GTF2A1L: variants seen among roughly 807,000 people sequenced by gnomAD.
The protein encoded by GTF2A1L is general transcription factor IIA subunit 1 like, also known as TFIIA-alpha and beta-like factor.
GTF2A1L carries 48 observed loss-of-function variants against 49.7 expected under a neutral mutation model. The observed-to-expected ratio is 0.97, with a 90% confidence interval of 0.77 to 1.23. GTF2A1L has a LOEUF of 1.23. GTF2A1L is among the 50% of genes most tolerant of loss of function. The pLI is 0.00. For synonymous variants in GTF2A1L, 246 were observed against 193.5 expected (o/e 1.27, Z -2.25); for missense variants, 736 against 564.8 (o/e 1.30, Z -3.07).
intron 5 of GTF2A1L, among the ~76,000 whole-genome samples, chr2:48,646,018 C>A (rs184815944): frequency 1.0e-3 from 157 of 151,132 alleles, no homozygotes; most frequent in African/African-American, 3.1e-3. Flanking sequence ...CTTTTGAAAT[C>A]ATTAAACTCT....
chr2:48,648,127 A>C (rs1351478870), intron 6 of GTF2A1L, among the ~76,000 whole-genome samples: 4 of 152,152 alleles, frequency 2.6e-5, no homozygotes, highest in Non-Finnish European at 5.9e-5. Flanking sequence ...CCTGTTTTAG[A>C]ATGTTTCAGA....
At chr2:48,621,575 T>C (rs749695308) in intron 3 of GTF2A1L, among the ~76,000 whole-genome samples, 4 of 152,192 alleles carry the variant, frequency 2.6e-5, no homozygotes, top group Non-Finnish European at 4.4e-5. Context: ...GGAGCACCCA[T>C]TGGTAATTTC....
intron 6 of GTF2A1L, among the ~76,000 whole-genome samples, chr2:48,657,006 A>G (rs980972795): frequency 6.6e-6 from 1 of 152,216 alleles, no homozygotes; most frequent in Non-Finnish European, 1.5e-5. Context: ...CGTTTTATGT[A>G]ACGGTTTGTT....
chr2:48,655,430 C>A (rs80183578), intron 6 of GTF2A1L, among the ~76,000 whole-genome samples: 1 of 151,978 alleles, frequency 6.6e-6, no homozygotes, highest in African/African-American at 2.4e-5. Context: ...GCCTCAAGCA[C>A]TTGTCTCACT....
At chr2:48,633,040 C>A (rs376260719) in intron 3 of GTF2A1L, 90 of 243,482 alleles carry the variant, frequency 3.7e-4, no homozygotes, top group South Asian at 1.3e-3. Context: ...CTGTTTAGGT[C>A]TCTGTTCTTC....
chr2:48,650,868 C>G (rs536462182), intron 6 of GTF2A1L, among the ~76,000 whole-genome samples: 1 of 152,166 alleles, frequency 6.6e-6, no homozygotes, highest in African/African-American at 2.4e-5. Context: ...AAAATATGCC[C>G]TGCCATTACA....
At chr2:48,642,495 T>A (rs1677253584) in intron 4 of GTF2A1L, 38 bp downstream of exon 4, 4 of 1,527,268 alleles carry the variant, frequency 2.6e-6, no homozygotes, top group Non-Finnish European at 3.6e-6. Flanking sequence ...AAAAGACATG[T>A]CCCACTGTTA....
chr2:48,623,052 C>G (rs1032317692), intron 3 of GTF2A1L, among the ~76,000 whole-genome samples: 1 of 152,008 alleles, frequency 6.6e-6, no homozygotes, highest in Non-Finnish European at 1.5e-5. Flanking sequence ...TCTCCTTATT[C>G]TCTTCTACAT....
intron 6 of GTF2A1L, among the ~76,000 whole-genome samples, chr2:48,668,837 A>AAAATAAATAAATAAAT (rs10529379): frequency 0.034 from 5,110 of 150,380 alleles, 292 homozygotes; most frequent in African/African-American, 0.12. Context: ...CCCGCCTCAA[A>AAAATAAATAAATAAAT]AAATAAATAA....
intron 7 of GTF2A1L, among the ~76,000 whole-genome samples, chr2:48,670,319 G>A (rs1324472719): frequency 1.3e-5 from 2 of 152,036 alleles, no homozygotes; most frequent in Non-Finnish European, 2.9e-5. Flanking sequence ...GCAGGAGACA[G>A]GTTGTAGTGA....
chr2:48,621,431 T>A, intron 3 of GTF2A1L, 141 bp downstream of exon 3: 1 of 1,114,716 alleles, frequency 9.0e-7, no homozygotes, highest in Non-Finnish European at 1.2e-6. Context: ...ATGAACACAG[T>A]ATAAATCATT....
At chr2:48,632,746 C>T (rs1037661903) in intron 3 of GTF2A1L, 1 of 161,148 alleles carries the variant, frequency 6.2e-6, no homozygotes, top group African/African-American at 2.4e-5. Context: ...ATGAAGAGCT[C>T]AAGTTGACAT....
chr2:48,668,108 G>C (rs1678946725), intron 6 of GTF2A1L, among the ~76,000 whole-genome samples: 1 of 152,012 alleles, frequency 6.6e-6, no homozygotes, highest in Non-Finnish European at 1.5e-5. Context: ...TTATGAATTT[G>C]CCTGTTCTAG....
At chr2:48,666,599 G>GTA (rs1558765417) in intron 6 of GTF2A1L, among the ~76,000 whole-genome samples, 1 of 151,386 alleles carries the variant, frequency 6.6e-6, no homozygotes, top group Admixed American at 6.6e-5. Flanking sequence ...GTGTGTGTGT[G>GTA]TGTGTGTGTG....
At chr2:48,621,804 T>C (rs1676013866) in intron 3 of GTF2A1L, among the ~76,000 whole-genome samples, 1 of 152,236 alleles carries the variant, frequency 6.6e-6, no homozygotes, top group South Asian at 2.1e-4. Context: ...GCATTTATCT[T>C]TATTCTTGGA....
chr2:48,679,293 A>G (rs370224541), intron 8 of GTF2A1L, 42 bp from the exon 9 acceptor site: 566 of 1,594,850 alleles, frequency 3.5e-4, no homozygotes, highest in Non-Finnish European at 4.7e-4. Flanking sequence ...TGATCCTTTA[A>G]CTTGTAAAAT....
rs1415619945 is a variant in GTF2A1L at position 48,659,421 on chromosome 2, T to A, written c.979-10301T>A. On this transcript the variant is annotated intron_variant, in intron 6 of 8. Transcript: ENST00000403751. ...AATCAAGAAATTTAAGACTTTCAAT[T>A]TGATTCTTCTTTTTCAAGATTGTTT... 3.9e-5 allele frequency among the ~76,000 whole-genome samples: 6 copies of A among 152,250 alleles called. No individual in the cohort carries two copies. In the East Asian group the frequency reaches 1.2e-3, roughly 29 times the overall value.
intron 6 of GTF2A1L, among the ~76,000 whole-genome samples, chr2:48,666,173 T>G (rs1411599416): frequency 1.3e-5 from 2 of 151,996 alleles, no homozygotes; most frequent in Non-Finnish European, 2.9e-5. Flanking sequence ...TTAACTTACC[T>G]GTGTCATTGT....
intron 8 of GTF2A1L, among the ~76,000 whole-genome samples, chr2:48,675,450 G>A (rs1226353891): frequency 1.3e-5 from 2 of 151,948 alleles, no homozygotes; most frequent in East Asian, 3.9e-4. Context: ...TTAACAATTG[G>A]GGGGAAAACT....
Sources: allele counts gnomAD v4.1 joint callset (sites outside exome capture counted in the v4.1 genomes callset), GRCh38; gene constraint gnomAD v4.1.1; transcripts MANE v1.5; gene names NCBI Gene and HGNC (gene_info 2026-07-23, HGNC 2026-07-21).